Variants in XIST observed in about 807,000 individuals in gnomAD.
The protein encoded by XIST is X inactive specific transcript.
intron 4 of XIST, chrX:73,831,001 T>C (rs183746781): frequency 1.9e-6 from 1 of 515,552 alleles, no homozygotes; most frequent in African/African-American, 2.3e-5. Context: ...CTAAGTGCAA[T>C]GTATACTGGA....
rs150807350 is a variant in XIST at position 73,830,865 on chromosome X, C to T, written n.11752+201G>A. Among the ~76,000 whole-genome samples the T allele has an allele frequency of 6.5e-3, 722 of 111,747 alleles. 9 individuals carry two copies. Among genetic ancestry groups the T allele is most frequent in the African/African-American group, 0.022 (676 of 30,758 alleles). ...TCCAAACACCCGAACACATGCAACC[C>T]GCTACCCTCTTTACATCATCACTTT... On this transcript the variant is annotated intron_variant and non_coding_transcript_variant, in intron 4 of 5. Coordinates refer to ENST00000429829, the Ensembl canonical transcript of XIST.
chrX:73,829,819 A>T (rs1161726134), intron 4 of XIST, among the ~76,000 whole-genome samples: 4 of 106,804 alleles, frequency 3.7e-5, no homozygotes, highest in Non-Finnish European at 5.8e-5. Context: ...AAAGACTTCC[A>T]TCCTGTTTTA....
chrX:73,843,216 G>C lies in XIST; in HGVS notation n.9508C>G, dbSNP rs777105895. 1.4e-5 allele frequency: 8 copies of C among 558,670 alleles called. No homozygotes were observed. In the South Asian group the frequency reaches 1.6e-4, roughly 11 times the overall value. The allele number at this position is 558,670 out of a possible 1,213,427, so 46.0% of individuals were successfully genotyped here. A position where few individuals can be genotyped will look rare whatever the true frequency, so the allele number is the denominator to read the frequency against. ...CTGCAGTAATGCAAAGGGGATACTA[G>C]GGCATAATATCCCACTCTACCAGAA... On this transcript the variant is annotated non_coding_transcript_exon_variant, in exon 1 of 6. Transcript: ENST00000429829.
chrX:73,852,704 G>A, exon 1 of XIST: 1 of 440,769 alleles, frequency 2.3e-6, no homozygotes. Flanking sequence ...CCCCGAGAGA[G>A]TAAGAAATAT....
In XIST at chrX:73,831,455, A is replaced by C. The variant is rs775174829; in HGVS notation, n.11544-181T>G. 2.7e-5 allele frequency: 10 copies of C among 370,327 alleles called. No individual in the cohort carries two copies. The South Asian group carries it at 5.2e-4, about 19-fold the overall frequency. The allele number at this position is 370,327 out of a possible 1,213,427, so 30.5% of individuals were successfully genotyped here. Reference sequence around the variant, plus strand: ...GGCTACCAACTTAGCAAAAAAAAAAAAAATTATCCTATTCATTCCAGCTCT... The same window carrying C: ...GGCTACCAACTTAGCAAAAAAAAAACAAATTATCCTATTCATTCCAGCTCT... On this transcript the variant is annotated intron_variant and non_coding_transcript_variant, in intron 3 of 5. Transcript: ENST00000429829.
exon 1 of XIST, chrX:73,843,245 G>A: frequency 1.8e-6 from 1 of 558,669 alleles, no homozygotes; most frequent in South Asian, 2.2e-5. Context: ...ACCAGAAGGA[G>A]ACATATATAA....
Position 73,845,536 on chromosome X carries a change from TTCA to T in XIST, n.7185_7187del, listed in dbSNP as rs762028278. ...GAGGTGGGGTGTGGCAGGGGAGGCT[TTCA>T]TGTCTATTACACAGAAACTGGGATA... On this transcript the variant is annotated non_coding_transcript_exon_variant, in exon 1 of 6. Coordinates refer to ENST00000429829, the Ensembl canonical transcript of XIST. The T allele has an allele frequency of 1.0e-4, 57 of 552,504 alleles. No homozygotes were observed. The African/African-American group carries it at 1.1e-3, about 11-fold the overall frequency. 45.5% of individuals were successfully genotyped at this position (552,504 alleles called of 1,213,427 possible). A position where few individuals can be genotyped will look rare whatever the true frequency, so the allele number is the denominator to read the frequency against.
exon 1 of XIST, chrX:73,841,649 T>A (rs764854812): frequency 1.8e-6 from 1 of 553,082 alleles, no homozygotes; most frequent in Non-Finnish European, 3.3e-6. Flanking sequence ...TTGAAATTTA[T>A]ATCCAAAAGA....
At chrX:73,833,941 A>G (rs1922435176) in intron 2 of XIST, among the ~76,000 whole-genome samples, 1 of 111,442 alleles carries the variant, frequency 9.0e-6, no homozygotes, top group African/African-American at 3.3e-5. Context: ...TCATGAGGAA[A>G]CCTTTATGTC....
exon 1 of XIST, chrX:73,852,041 C>T (rs180675156): frequency 1.8e-6 from 1 of 546,437 alleles, no homozygotes; most frequent in African/African-American, 2.3e-5. Context: ...GTATCCGCGG[C>T]CCCGATGGGC....
exon 1 of XIST, chrX:73,842,207 C>A: frequency 1.9e-6 from 1 of 515,008 alleles, no homozygotes; most frequent in Non-Finnish European, 3.5e-6. Flanking sequence ...ATTTTTCTGG[C>A]TGTATCCTGG....
chrX:73,833,179 A>G, intron 3 of XIST: 1 of 523,979 alleles, frequency 1.9e-6, no homozygotes, highest in Non-Finnish European at 3.4e-6. Context: ...TAAAAAGGAG[A>G]GTTGTGGGAA....
At chrX:73,841,499 T>G in exon 1 of XIST, 2 of 558,346 alleles carry the variant, frequency 3.6e-6, no homozygotes, top group East Asian at 6.5e-5. Flanking sequence ...ATATTCTTTT[T>G]CAGTTATTAC....
exon 1 of XIST, chrX:73,851,796 C>G: frequency 1.8e-6 from 1 of 556,847 alleles, no homozygotes; most frequent in African/African-American, 2.2e-5. Flanking sequence ...TAGCCCTAAG[C>G]CGAGTTATGC....
At chrX:73,846,518 G>A (rs778951977) in exon 1 of XIST, 19 of 557,208 alleles carry the variant, frequency 3.4e-5, no homozygotes, top group Non-Finnish European at 4.9e-5. Flanking sequence ...AAAAGGGGTC[G>A]GAGAGTAGGA....
exon 1 of XIST, chrX:73,842,286 T>C: frequency 5.4e-6 from 3 of 552,241 alleles, no homozygotes; most frequent in African/African-American, 2.2e-5. Flanking sequence ...CAATCTGCTC[T>C]GGAAAGAAGA....
exon 1 of XIST, chrX:73,852,197 T>G (rs1434055908): frequency 2.0e-6 from 1 of 507,289 alleles, no homozygotes; most frequent in Non-Finnish European, 3.5e-6. Flanking sequence ...TGGGCCAGAG[T>G]GTTGGGGGTT....
exon 6 of XIST, chrX:73,824,065 G>C: frequency 1.8e-6 from 1 of 555,120 alleles, no homozygotes; most frequent in Non-Finnish European, 3.3e-6. Context: ...CTAAGGATAA[G>C]AGTAATCAAT....
intron 2 of XIST, among the ~76,000 whole-genome samples, chrX:73,834,993 C>CAA (rs60685637): frequency 0.057 from 4,300 of 75,595 alleles, 98 homozygotes; most frequent in Middle Eastern, 0.089. Flanking sequence ...AACTCCGTCT[C>CAA]AAAAAAAAAA....
Sources: allele counts gnomAD v4.1 joint callset (sites outside exome capture counted in the v4.1 genomes callset), GRCh38; gene constraint gnomAD v4.1.1; transcripts MANE v1.5; gene names NCBI Gene and HGNC (gene_info 2026-07-23, HGNC 2026-07-21).